KLC3: variants seen among roughly 807,000 people sequenced by gnomAD.
KLC3 encodes kinesin light chain 2.
Under a neutral mutation model 62.9 loss-of-function variants are expected in KLC3, and 72 were observed. The observed-to-expected ratio is 1.15, with a 90% confidence interval of 0.95 to 1.39. The LOEUF (loss-of-function observed/expected upper bound fraction) is 1.39, where lower values mean the gene tolerates loss of function less well. Ranked by LOEUF, KLC3 falls within the 40% of genes most tolerant of loss-of-function variation. KLC3 has a pLI of 0.00. For missense variants in KLC3, 848 were observed against 691.6 expected (o/e 1.23, Z -2.54); for synonymous variants, 377 against 300.5 (o/e 1.25, Z -2.63).
chr19:45,341,578 T>TGTGTGTGTGCGCGTGCGC, intron 1 of KLC3, among the ~76,000 whole-genome samples: 1 of 139,800 alleles, frequency 7.2e-6, no homozygotes. Flanking sequence ...TGTGTGTGTG[T>TGTGTGTGTGCGCGTGCGC]GCGCGCGCGC....
chr19:45,343,655 A>T (rs886126487), intron 1 of KLC3, among the ~76,000 whole-genome samples: 1 of 151,886 alleles, frequency 6.6e-6, no homozygotes, highest in Non-Finnish European at 1.5e-5. Context: ...TTTCTAAGAG[A>T]ATATACCTGT....
chr19:45,346,214 C>G (rs2123182235), intron 2 of KLC3, among the ~76,000 whole-genome samples: 1 of 151,842 alleles, frequency 6.6e-6, no homozygotes, highest in Admixed American at 6.5e-5. Flanking sequence ...AGGGGGAGGC[C>G]TAGGGGAACC....
At position 45,350,760 on chromosome 19, in the gene KLC3, CAGGTCGGCAAAG is replaced by C; in HGVS notation, c.1379+16_1379+27del. The C allele has an allele frequency of 6.2e-7, 1 of 1,601,894 alleles. No homozygotes were observed. On this transcript the variant is annotated intron_variant, in intron 11 of 12. Coordinates refer to ENST00000391946, the MANE Select transcript of KLC3 (RefSeq NM_177417.3). ...CAGGAGCAGCCGGGTGAGTGTTGAT[CAGGTCGGCAAAG>C]AGCCCTGACATCAGCAGAATCCACA...
In KLC3 at chr19:45,348,654, A is replaced by G; in HGVS notation, c.788A>G (p.Asn263Ser). The G allele has an allele frequency of 6.3e-7, 1 of 1,581,008 alleles. No homozygotes were observed. The highest frequency in any genetic ancestry group is 8.6e-7 in the Non-Finnish European group (1 of 1,163,812). ...NILALVYRDQNKYKEATDLLH... is the reference protein window; with the variant it reads ...NILALVYRDQSKYKEATDLLH... The stretch of plus-strand genomic sequence containing the variant: ...TGGGGCGCCCCCCACAGGGACCAGA[A>G]CAAGTACAAAGAAGCCACAGACCTT... Residue 263 changes from asparagine to serine, a missense_variant, in exon 6 of 13, where the codon AAC (asparagine) becomes AGC (serine). By Grantham distance (46) the Asn-to-Ser change is conservative. Transcript: ENST00000391946.
intron 6 of KLC3, 31 bp downstream of exon 6, chr19:45,348,764 G>A (rs1371135064): frequency 6.4e-7 from 1 of 1,563,610 alleles, no homozygotes; most frequent in African/African-American, 1.4e-5. Context: ...ACGAAGTGGG[G>A]TCAAAGTGGG....
intron 1 of KLC3, among the ~76,000 whole-genome samples, chr19:45,343,281 G>A (rs984332551): frequency 6.6e-6 from 1 of 152,036 alleles, no homozygotes; most frequent in Non-Finnish European, 1.5e-5. Flanking sequence ...TTTGGGGAGT[G>A]GGAGAGACAG....
chr19:45,346,700 C>A lies in KLC3; in HGVS notation c.415C>A (p.Gln139Lys), dbSNP rs868176102. 1 of 1,573,918 alleles carries A rather than the reference C, an allele frequency of 6.4e-7. No homozygotes were observed. Among genetic ancestry groups the A allele is most frequent in the Non-Finnish European group, 8.6e-7 (1 of 1,161,340 alleles). ...TCGGGCCAGCGAGGAGTCCGTGGCC[C>A]AGCTGGAGGAGGAGAAGCGCCACCT... ...RLRASEESVAQLEEEKRHLEF... is the reference protein window; with the variant it reads ...RLRASEESVAKLEEEKRHLEF... The change falls in exon 3 of 13, where the codon CAG becomes AAG. Residue 139 changes from glutamine (Q) to lysine (K), a missense_variant. Coordinates refer to ENST00000391946, the MANE Select transcript of KLC3 (RefSeq NM_177417.3).
chr19:45,350,661 A>ACT lies in KLC3; in HGVS notation c.1297_1298dup (p.Lys434ProfsTer29). 1.2e-6 allele frequency: 2 copies of ACT among 1,612,472 alleles called. No individual in the cohort carries two copies. Among genetic ancestry groups the ACT allele is most frequent in the Non-Finnish European group, 1.7e-6 (2 of 1,179,532 alleles). ...CCCAGGCCCTTCGCCGCAGCAGCTC[A>ACT]CTCTCCAAGATCCGTGAGTCTATCA... is the stretch of plus-strand genomic sequence containing the variant. On this transcript the variant is annotated frameshift_variant, in exon 11 of 13. Transcript: ENST00000391946. LOFTEE classifies it high-confidence loss of function.
In KLC3 at chr19:45,346,599, TGC is replaced by T; in HGVS notation, c.317_318del (p.Arg106LeufsTer60). The T allele has an allele frequency of 6.5e-7, 1 of 1,549,836 alleles. No homozygotes were observed. The highest frequency in any genetic ancestry group is 8.7e-7 in the Non-Finnish European group (1 of 1,146,636). On this transcript the variant is annotated frameshift_variant, in exon 3 of 13. Transcript: ENST00000391946. LOFTEE classifies it high-confidence loss of function. ...GCACTGGAGGCAGAGAAGCAGCGGC[TGC>T]GCTCGCAGGCCCGGCGGCTGGCCCA...
At chr19:45,343,282 GGA>G (rs1479127897) in intron 1 of KLC3, among the ~76,000 whole-genome samples, 1 of 151,960 alleles carries the variant, frequency 6.6e-6, no homozygotes, top group African/African-American at 2.4e-5. Context: ...TTGGGGAGTG[GGA>G]GAGACAGAGT....
intron 1 of KLC3, among the ~76,000 whole-genome samples, chr19:45,342,906 G>A (rs186883245): frequency 1.1e-3 from 163 of 152,308 alleles, no homozygotes; most frequent in African/African-American, 3.0e-3. Context: ...GTATGTGATC[G>A]TGCATGTACA....
At chr19:45,349,639 A>G in intron 8 of KLC3, 37 bp downstream of exon 8, 1 of 1,476,104 alleles carries the variant, frequency 6.8e-7, no homozygotes, top group Admixed American at 1.8e-5. Context: ...CCAAGAGTGG[A>G]GGGTCCTGCC....
At chr19:45,350,811 CCA>C (rs1491009770) in intron 11 of KLC3, 64 bp downstream of exon 11, 158 of 1,299,038 alleles carry the variant, frequency 1.2e-4, no homozygotes, top group African/African-American at 5.2e-4. Flanking sequence ...CACCCCACCC[CCA>C]CCCCCATCTT....
intron 3 of KLC3, 70 bp from the exon 4 acceptor site, chr19:45,347,377 A>C: frequency 8.8e-7 from 1 of 1,135,410 alleles, no homozygotes; most frequent in African/African-American, 1.6e-5. Flanking sequence ...AAAACCTGAG[A>C]TAGAGCCAGG....
chr19:45,342,180 TGAA>T (rs1358286024), intron 1 of KLC3, among the ~76,000 whole-genome samples: 1 of 152,048 alleles, frequency 6.6e-6, no homozygotes, highest in African/African-American at 2.4e-5. Flanking sequence ...CAAAATTGTG[TGAA>T]GAATGGTTGT....
chr19:45,350,951 C>CAGAA lies in KLC3; in HGVS notation c.1380-2_1381dup, dbSNP rs767078695. On this transcript the variant is annotated splice_region_variant and splice_polypyrimidine_tract_variant and intron_variant, in intron 11 of 12. Transcript: ENST00000391946. ...CATTTCCTCCCTGCTGCCCTCTTTGCAGAATGAAGAGAGCCATGTCACTCA... is the reference window on the plus strand; with the variant it reads ...CATTTCCTCCCTGCTGCCCTCTTTGCAGAAAGAATGAAGAGAGCCATGTCACTCA... 10 of 1,613,930 alleles carry CAGAA rather than the reference C, an allele frequency of 6.2e-6. 1 individual carries two copies. In the South Asian group the frequency reaches 9.9e-5, roughly 16 times the overall value.
At position 45,347,926 on chromosome 19, in the gene KLC3, C is replaced by G. The variant is rs764242756; in HGVS notation, c.560-15C>G. 1.9e-6 allele frequency: 3 copies of G among 1,583,640 alleles called. No individual in the cohort carries two copies. The highest frequency in any genetic ancestry group is 2.7e-5 in the African/African-American group (2 of 74,278). Reference sequence around the variant, plus strand: ...GAGGCTTGCAGTGACCCAGAGCCCACCCCACCCCACCTAGGTCCTGAGGCC... The same window carrying G: ...GAGGCTTGCAGTGACCCAGAGCCCAGCCCACCCCACCTAGGTCCTGAGGCC... On this transcript the variant is annotated splice_polypyrimidine_tract_variant and intron_variant, in intron 4 of 12. Coordinates refer to ENST00000391946, the MANE Select transcript of KLC3 (RefSeq NM_177417.3).
intron 2 of KLC3, among the ~76,000 whole-genome samples, chr19:45,346,258 G>A (rs756761252): frequency 6.6e-6 from 1 of 152,082 alleles, no homozygotes; most frequent in African/African-American, 2.4e-5. Flanking sequence ...GGTCAGAGAT[G>A]GAGTCCCTTG....
At chr19:45,343,621 C>A (rs1299165191) in intron 1 of KLC3, among the ~76,000 whole-genome samples, 1 of 152,172 alleles carries the variant, frequency 6.6e-6, no homozygotes, top group Non-Finnish European at 1.5e-5. Flanking sequence ...AGGCGTGAGC[C>A]ACCGCGCCCA....
Sources: gnomAD v4.1 joint callset for allele counts (sites outside exome capture counted in the v4.1 genomes callset) on GRCh38, gnomAD v4.1.1 for gene constraint, MANE v1.5 for transcripts, NCBI Gene and HGNC (gene_info 2026-07-23, HGNC 2026-07-21) for gene names.